The following DCDC2 variants were observed in gnomAD, a reference collection of about 807,000 sequenced individuals.
DCDC2 encodes the protein doublecortin domain containing 2.
Under a neutral mutation model 50.2 loss-of-function variants are expected in DCDC2, and 40 were observed. That is an observed-to-expected ratio of 0.80 (90% CI 0.62 to 1.04). DCDC2 has a LOEUF of 1.04. DCDC2 is among the 50% of genes least tolerant of loss of function. The pLI, the probability that DCDC2 is intolerant of heterozygous loss-of-function variation, is 0.00. For missense variants in DCDC2, 570 were observed against 581.9 expected, an observed-to-expected ratio of 0.98 and a Z score of 0.21; for synonymous variants, 234 against 210.6, an observed-to-expected ratio of 1.11 and a Z score of -0.96.
At chr6:24,189,462 T>C (rs1440381837) in intron 8 of DCDC2, among the ~76,000 whole-genome samples, 3 of 152,230 alleles carry the variant, frequency 2.0e-5, no homozygotes, top group South Asian at 4.1e-4. Context: ...TTTAAACTCA[T>C]ATCACACCTC....
At position 24,338,686 on chromosome 6, in the gene DCDC2, C is replaced by T. The variant is rs558799729; in HGVS notation, c.348+14883G>A. On this transcript the variant is annotated intron_variant, in intron 2 of 9. Transcript: ENST00000378454. The stretch of plus-strand genomic sequence containing the variant: ...TGAGACAGAATTTCACTCCTGTTGC[C>T]CAGGCTAGAGTGCAATGGTGTGATC... Among the ~76,000 whole-genome samples, 594 of 152,202 alleles carry T rather than the reference C, an allele frequency of 3.9e-3. 3 individuals carry two copies. The highest frequency in any genetic ancestry group is 0.014 in the African/African-American group (563 of 41,530).
intron 7 of DCDC2, among the ~76,000 whole-genome samples, chr6:24,257,108 A>G (rs1442131364): frequency 1.3e-5 from 2 of 152,200 alleles, no homozygotes; most frequent in East Asian, 1.9e-4. Flanking sequence ...ACACAGATAT[A>G]TATCTACTTT....
In DCDC2 at chr6:24,289,971, CTTTTTTTTTTTTTTTT is replaced by C. The variant is rs3077132; in HGVS notation, c.704+945_704+960del. On this transcript the variant is annotated intron_variant, in intron 5 of 9. Transcript: ENST00000378454. ...TCCTGCAGCATGGGCCAGAGCTCTT[CTTTTTTTTTTTTTTTT>C]TTTTTTTTTTTTTTTTTTTTTTTTG... is the stretch of plus-strand genomic sequence containing the variant. Among the ~76,000 whole-genome samples the C allele has an allele frequency of 7.9e-4, 48 of 61,046 alleles. 4 individuals carry two copies. The highest frequency in any genetic ancestry group is 1.9e-3 in the African/African-American group (37 of 19,314). The allele number at this position is 61,046 out of a possible 152,430, so 40.0% of individuals were successfully genotyped here.
intron 7 of DCDC2, among the ~76,000 whole-genome samples, chr6:24,264,694 G>T (rs1209919722): frequency 1.3e-5 from 2 of 151,112 alleles, no homozygotes; most frequent in Admixed American, 6.6e-5. Context: ...TTCACTAAAA[G>T]GAAGACAGAA....
chr6:24,331,456 A>G (rs764084313), intron 2 of DCDC2, among the ~76,000 whole-genome samples: 1 of 152,050 alleles, frequency 6.6e-6, no homozygotes, highest in Non-Finnish European at 1.5e-5. Flanking sequence ...GATGATATGG[A>G]CTAGAATGGG....
At chr6:24,351,420 G>A (rs910755990) in intron 2 of DCDC2, among the ~76,000 whole-genome samples, 1 of 152,296 alleles carries the variant, frequency 6.6e-6, no homozygotes, top group South Asian at 2.1e-4. Context: ...TGGAAGATGC[G>A]GGAAAGAGCA....
chr6:24,266,183 A>G (rs1161670677), intron 7 of DCDC2, among the ~76,000 whole-genome samples: 1 of 152,186 alleles, frequency 6.6e-6, no homozygotes, highest in Non-Finnish European at 1.5e-5. Flanking sequence ...CACCATATAC[A>G]AAAATAAAAT....
intron 7 of DCDC2, among the ~76,000 whole-genome samples, chr6:24,257,600 C>G (rs765081852): frequency 5.3e-5 from 8 of 151,518 alleles, no homozygotes; most frequent in Non-Finnish European, 1.2e-4. Flanking sequence ...TATGGGTATT[C>G]TAGACAGCTG....
In DCDC2 at chr6:24,174,896, T is replaced by C. The variant is rs3789219; in HGVS notation, c.1327-62A>G. 199,235 of 998,074 alleles carry C rather than the reference T, an allele frequency of 0.2. 24,239 individuals are homozygous for C. The highest frequency in any genetic ancestry group is 0.57 in the East Asian group (22,565 of 39,856). The allele number at this position is 998,074 out of a possible 1,614,324, so 61.8% of individuals were successfully genotyped here. A position where few individuals can be genotyped will look rare whatever the true frequency, so the allele number is the denominator to read the frequency against. ...GTTTGGTTCACAAAGGTAATGACATTTATAAAGAAAAAATTACTCAAGATT... is the reference window on the plus strand; with the variant it reads ...GTTTGGTTCACAAAGGTAATGACATCTATAAAGAAAAAATTACTCAAGATT... On this transcript the variant is annotated intron_variant, in intron 9 of 9. Transcript: ENST00000378454.
At chr6:24,360,015 G>A (rs1760638252), upstream of DCDC2, among the ~76,000 whole-genome samples, 4 of 152,232 alleles carry the variant, frequency 2.6e-5, 1 homozygote, top group South Asian at 8.3e-4. Context: ...GCCGCGCGGG[G>A]GCGGGGCGGT....
chr6:24,177,854 G>T (rs1189260133), intron 9 of DCDC2, among the ~76,000 whole-genome samples: 1 of 152,114 alleles, frequency 6.6e-6, no homozygotes. Context: ...ATTTAAAGTA[G>T]AAAAAAGCAA....
chr6:24,211,943 A>G (rs969658586), intron 7 of DCDC2, among the ~76,000 whole-genome samples: 1 of 152,104 alleles, frequency 6.6e-6, no homozygotes, highest in Non-Finnish European at 1.5e-5. Flanking sequence ...GGGGTCCCCA[A>G]CTCCCAGGGC....
At chr6:24,364,576 G>A in the DCDC2 span, among the ~76,000 whole-genome samples, 3 of 152,160 alleles carry the variant, frequency 2.0e-5, no homozygotes, top group African/African-American at 7.2e-5. Flanking sequence ...ATTCATCAAT[G>A]TCTTACTAGT....
At chr6:24,176,416 AT>A (rs144420339) in intron 9 of DCDC2, among the ~76,000 whole-genome samples, 2,271 of 152,282 alleles carry the variant, frequency 0.015, 47 homozygotes, top group African/African-American at 0.052. Flanking sequence ...TCAATGCCAA[AT>A]TACATAACCT....
At chr6:24,327,173 G>C (rs1759885241) in intron 2 of DCDC2, among the ~76,000 whole-genome samples, 1 of 149,520 alleles carries the variant, frequency 6.7e-6, no homozygotes, top group Admixed American at 6.7e-5. Flanking sequence ...ACCTAGGTTA[G>C]GCCAAGTGTT....
At chr6:24,362,250 A>ATTTATACAATTATTTTTTATTTAATTGTG (rs1760677081), upstream of DCDC2, among the ~76,000 whole-genome samples, 2 of 141,708 alleles carry the variant, frequency 1.4e-5, no homozygotes, top group South Asian at 2.1e-4. Context: ...TTAATTGTAT[A>ATTTATACAATTATTTTTTATTTAATTGTG]TTTATACAAT....
At chr6:24,219,015 G>A (rs914735442) in intron 7 of DCDC2, among the ~76,000 whole-genome samples, 4 of 152,054 alleles carry the variant, frequency 2.6e-5, no homozygotes, top group African/African-American at 7.2e-5. Flanking sequence ...TCTGGGAGGA[G>A]GAACAGAAAT....
intron 8 of DCDC2, among the ~76,000 whole-genome samples, chr6:24,199,759 A>G (rs559122127): frequency 1.3e-4 from 20 of 152,340 alleles, no homozygotes; most frequent in African/African-American, 4.8e-4. Flanking sequence ...GAAGCTAATA[A>G]GCTTGAAAAA....
chr6:24,209,172 G>A (rs766953661), intron 7 of DCDC2, among the ~76,000 whole-genome samples: 12 of 152,130 alleles, frequency 7.9e-5, no homozygotes, highest in Non-Finnish European at 1.3e-4. Flanking sequence ...ATAAAACATT[G>A]AAAATTTAAA....
Sources: allele counts gnomAD v4.1 joint callset (sites outside exome capture counted in the v4.1 genomes callset), GRCh38; gene constraint gnomAD v4.1.1; transcripts MANE v1.5; gene names NCBI Gene and HGNC (gene_info 2026-07-23, HGNC 2026-07-21).